The following TRAT1 variants were observed in gnomAD, a reference collection of about 807,000 sequenced individuals.
The protein encoded by TRAT1 is T cell receptor associated transmembrane adaptor 1.
TRAT1 carries 20 observed loss-of-function variants against 20.0 expected under a neutral mutation model. The ratio of observed to expected loss-of-function variants is 1.00; its 90% CI spans 0.70 to 1.45. The LOEUF is 1.45. Among genes scored for constraint, TRAT1 ranks in the 40% most tolerant of loss-of-function variants. The pLI, the probability that TRAT1 is intolerant of heterozygous loss-of-function variation, is 0.00. For synonymous variants in TRAT1, 77 were observed against 74.2 expected (o/e 1.04, Z -0.20); for missense variants, 237 against 224.1 (o/e 1.06, Z -0.37).
rs1946030493 is a variant in TRAT1, at chr3:108,854,869, G to A, written c.*992G>A. Reference sequence around the variant, plus strand: ...AATAATTAAAAAATACTGCTTCACTGTCTTCTCTCTGTTTCATCAGAAACA... The same window carrying A: ...AATAATTAAAAAATACTGCTTCACTATCTTCTCTCTGTTTCATCAGAAACA... On this transcript the variant is annotated 3_prime_UTR_variant, in exon 6 of 6. Coordinates refer to ENST00000295756, the MANE Select transcript of TRAT1 (RefSeq NM_016388.4). 6.6e-6 allele frequency: 1 copy of A among 152,040 alleles called. No homozygotes were observed. The highest frequency in any genetic ancestry group is 2.1e-4 in the South Asian group (1 of 4,830). 9.4% of individuals were successfully genotyped at this position (152,040 alleles called of 1,614,324 possible).
chr3:108,846,068 T>G (rs920710921), intron 3 of TRAT1, among the ~76,000 whole-genome samples: 1 of 152,228 alleles, frequency 6.6e-6, no homozygotes, highest in Non-Finnish European at 1.5e-5. Flanking sequence ...TCTAGACTGT[T>G]TCCCCACAGC....
intron 2 of TRAT1, among the ~76,000 whole-genome samples, 174 bp downstream of exon 2, chr3:108,830,954 G>T (rs1945787070): frequency 6.6e-6 from 1 of 152,202 alleles, no homozygotes; most frequent in Non-Finnish European, 1.5e-5. Flanking sequence ...ATTTAAGAAT[G>T]CAATCATATT....
At chr3:108,834,607 C>G (rs1449146809) in intron 2 of TRAT1, among the ~76,000 whole-genome samples, 3 of 152,224 alleles carry the variant, frequency 2.0e-5, no homozygotes, top group Non-Finnish European at 4.4e-5. Flanking sequence ...TTTTCTGCCA[C>G]TTGGGCTGTG....
intron 3 of TRAT1, 69 bp from the exon 4 acceptor site, chr3:108,846,999 C>T (rs1945952966): frequency 1.9e-6 from 2 of 1,054,414 alleles, no homozygotes; most frequent in African/African-American, 3.2e-5. Context: ...TTGAATTTAG[C>T]TGAGAAGTCA....
At chr3:108,851,359 A>G (rs919575900) in intron 5 of TRAT1, among the ~76,000 whole-genome samples, 2 of 152,218 alleles carry the variant, frequency 1.3e-5, no homozygotes, top group Admixed American at 1.3e-4. Flanking sequence ...GTGAGTTCAC[A>G]AGAGTCCCCA....
chr3:108,840,217 T>G (rs951698956), intron 3 of TRAT1, among the ~76,000 whole-genome samples: 1 of 152,198 alleles, frequency 6.6e-6, no homozygotes, highest in Non-Finnish European at 1.5e-5. Flanking sequence ...CTCTTAACAT[T>G]GAATTATTTA....
Position 108,841,899 on chromosome 3 carries a change from T to A in TRAT1, c.152+2932T>A, listed in dbSNP as rs369441504. Among the ~76,000 whole-genome samples, 95 of 152,324 alleles carry A rather than the reference T, an allele frequency of 6.2e-4. 3 individuals are homozygous for A. The South Asian group carries it at 0.017, about 28-fold the overall frequency. On this transcript the variant is annotated intron_variant, in intron 3 of 5. Transcript: ENST00000295756. ...ATTTGAGATCCAGGCAATTCTGAAT[T>A]TTAAACAGACTTGCAATTAGTGGAT...
At chr3:108,842,316 G>A (rs937054630) in intron 3 of TRAT1, among the ~76,000 whole-genome samples, 2 of 152,078 alleles carry the variant, frequency 1.3e-5, no homozygotes, top group African/African-American at 2.4e-5. Context: ...CTGCAGGGTG[G>A]GGATCTTCTG....
Position 108,823,723 on chromosome 3 carries a change from A to G in TRAT1, c.7+789A>G, listed in dbSNP as rs76076438. The stretch of plus-strand genomic sequence containing the variant: ...TCATAACTGAAATAATAATGTACAT[A>G]ATATATCCAGCTTTTTTCACTAACA... On this transcript the variant is annotated intron_variant, in intron 1 of 5. Coordinates refer to ENST00000295756, the MANE Select transcript of TRAT1 (RefSeq NM_016388.4). 1.6e-3 allele frequency among the ~76,000 whole-genome samples: 246 copies of G among 152,338 alleles called. 8 individuals carry two copies. In the East Asian group the frequency reaches 0.043, roughly 27 times the overall value.
At chr3:108,835,930 TTTA>T (rs1945836283) in intron 2 of TRAT1, among the ~76,000 whole-genome samples, 2 of 81,846 alleles carry the variant, frequency 2.4e-5, no homozygotes, top group Admixed American at 2.7e-4. Context: ...TATTTATTTA[TTTA>T]TTTTTTGAGA....
chr3:108,842,100 T>A (rs1945901336), intron 3 of TRAT1, among the ~76,000 whole-genome samples: 1 of 152,188 alleles, frequency 6.6e-6, no homozygotes, highest in East Asian at 1.9e-4. Context: ...CACACCCTAA[T>A]TCAAGAAAGC....
chr3:108,851,225 G>T (rs2715729), intron 5 of TRAT1, among the ~76,000 whole-genome samples: 1 of 151,956 alleles, frequency 6.6e-6, no homozygotes. Context: ...GTGTTTCTTC[G>T]TTGGAAAAAA....
intron 3 of TRAT1, among the ~76,000 whole-genome samples, chr3:108,844,720 T>A (rs1025000918): frequency 1.9e-4 from 29 of 150,802 alleles, no homozygotes; most frequent in African/African-American, 6.8e-4. Flanking sequence ...GGCGGGCGCC[T>A]GTAGTCCCAG....
intron 3 of TRAT1, among the ~76,000 whole-genome samples, chr3:108,839,843 C>CA (rs1474491347): frequency 4.6e-5 from 7 of 151,714 alleles, no homozygotes; most frequent in African/African-American, 1.7e-4. Flanking sequence ...TAGTAGTATA[C>CA]ATTTTTTTAA....
At chr3:108,836,429 C>A (rs1202155948) in intron 2 of TRAT1, among the ~76,000 whole-genome samples, 1 of 151,968 alleles carries the variant, frequency 6.6e-6, no homozygotes, top group Non-Finnish European at 1.5e-5. Context: ...TTTTCCTTTT[C>A]TTTCAAATTA....
intron 5 of TRAT1, among the ~76,000 whole-genome samples, chr3:108,849,688 A>G (rs1355283135): frequency 6.6e-6 from 1 of 152,232 alleles, no homozygotes; most frequent in African/African-American, 2.4e-5. Context: ...TCCCTATTTT[A>G]AAAGGCAGAT....
At chr3:108,839,241 G>T in intron 3 of TRAT1, 1 of 453,614 alleles carries the variant, frequency 2.2e-6, no homozygotes, top group South Asian at 3.3e-5. Flanking sequence ...TAATTTCAGA[G>T]GTAGATAGCC....
At chr3:108,848,232 G>A (rs1183906918) in intron 4 of TRAT1, among the ~76,000 whole-genome samples, 1 of 152,152 alleles carries the variant, frequency 6.6e-6, no homozygotes, top group Non-Finnish European at 1.5e-5. Flanking sequence ...AAGGCTTAGA[G>A]ATCTGCTACT....
chr3:108,848,382 TTCTC>T (rs1282106540), intron 4 of TRAT1, among the ~76,000 whole-genome samples: 4 of 152,234 alleles, frequency 2.6e-5, no homozygotes, highest in African/African-American at 9.6e-5. Context: ...AAATATATCT[TTCTC>T]TCTCTGAGGG....
Sources: gnomAD v4.1 joint callset for allele counts (sites outside exome capture counted in the v4.1 genomes callset) on GRCh38, gnomAD v4.1.1 for gene constraint, MANE v1.5 for transcripts, NCBI Gene and HGNC (gene_info 2026-07-23, HGNC 2026-07-21) for gene names.